FNIP1: variants seen among roughly 807,000 people sequenced by gnomAD.
FNIP1 encodes the protein folliculin interacting protein 1.
A neutral mutation model predicts 124.5 loss-of-function variants in FNIP1; 40 were observed. The ratio of observed to expected loss-of-function variants is 0.32; its 90% CI spans 0.25 to 0.42. The LOEUF (loss-of-function observed/expected upper bound fraction) is 0.42, where lower values mean the gene tolerates loss of function less well. Ranked by LOEUF, FNIP1 falls within the 10% of genes least tolerant of loss-of-function variation. The pLI is 1.00. For synonymous variants in FNIP1, 472 were observed against 470.6 expected, an observed-to-expected ratio of 1.00 and a Z score of -0.04; for missense variants, 1,176 against 1,403.7, an observed-to-expected ratio of 0.84 and a Z score of 2.59.
At position 131,672,649 on chromosome 5, in the gene FNIP1, C is replaced by T. The variant is rs1767798512; in HGVS notation, c.1795G>A (p.Glu599Lys). The change falls in exon 14 of 18, where the codon GAG becomes AAG. Residue 599 changes from glutamate (E) to lysine (K), a missense_variant. Around this residue, in one of 2 missense-constraint regions of FNIP1, gnomAD observed 1,109 missense variants for 1,288.5 expected, o/e 0.86. Coordinates refer to ENST00000510461, the MANE Select transcript of FNIP1 (RefSeq NM_133372.3). The stretch of plus-strand genomic sequence containing the variant: ...TTGGGAGTTCTAATTTCTTCTGACT[C>T]TTTAAAGAGCAAACTGCTTTTGTTT... ...HRNKSSLLFKESEEIRTPNCN... is the reference protein window; with the variant it reads ...HRNKSSLLFKKSEEIRTPNCN... 1 of 1,614,080 alleles carries T rather than the reference C, an allele frequency of 6.2e-7. No individual in the cohort carries two copies. The highest frequency in any genetic ancestry group is 8.5e-7 in the Non-Finnish European group (1 of 1,180,042).
At chr5:131,745,480 A>T (rs1221338521) in intron 1 of FNIP1, among the ~76,000 whole-genome samples, 1 of 152,154 alleles carries the variant, frequency 6.6e-6, no homozygotes, top group Non-Finnish European at 1.5e-5. Context: ...TGATCATGCC[A>T]CTGTACTCCA....
chr5:131,789,886 T>A (rs1334554139), intron 1 of FNIP1, among the ~76,000 whole-genome samples: 1 of 152,264 alleles, frequency 6.6e-6, no homozygotes, highest in Non-Finnish European at 1.5e-5. Context: ...TTTTCCTAGA[T>A]GATCTCTTCC....
intron 9 of FNIP1, among the ~76,000 whole-genome samples, chr5:131,705,178 A>C (rs1420955396): frequency 1.3e-5 from 2 of 152,128 alleles, no homozygotes; most frequent in African/African-American, 4.8e-5. Flanking sequence ...AAGCACAAGA[A>C]AAGATGATCA....
At position 131,672,511 on chromosome 5, in the gene FNIP1, C is replaced by G. The variant is rs759292725; in HGVS notation, c.1933G>C (p.Asp645His). 6.2e-7 allele frequency: 1 copy of G among 1,613,714 alleles called. No homozygotes were observed. The highest frequency in any genetic ancestry group is 8.5e-7 in the Non-Finnish European group (1 of 1,180,036). Reference protein sequence around the residue: ...NSSKELLGISDECQMISPSDC... With the variant: ...NSSKELLGISHECQMISPSDC... ...GAAGGAGAAATCATCTGGCACTCATCTGAAATTCCTAGCAGCTCCTTAGAG... is the reference window on the plus strand; with the variant it reads ...GAAGGAGAAATCATCTGGCACTCATGTGAAATTCCTAGCAGCTCCTTAGAG... Residue 645 changes from aspartate to histidine, a missense_variant, in exon 14 of 18, where the codon GAT (aspartate) becomes CAT (histidine). By Grantham distance (81) the Asp-to-His change is moderately conservative (BLOSUM62 -1). Transcript: ENST00000510461.
At chr5:131,691,965 G>A (rs571682825) in intron 11 of FNIP1, among the ~76,000 whole-genome samples, 1 of 152,104 alleles carries the variant, frequency 6.6e-6, no homozygotes, top group South Asian at 2.1e-4. Context: ...GTCAAGATGT[G>A]TCCTCTCACA....
intron 5 of FNIP1, among the ~76,000 whole-genome samples, chr5:131,717,754 T>C (rs1031987339): frequency 6.6e-6 from 1 of 152,352 alleles, no homozygotes; most frequent in South Asian, 2.1e-4. Context: ...GAAAAAACTC[T>C]GGTGATTATG....
Position 131,679,031 on chromosome 5 carries a change from A to AT in FNIP1, c.1346dup (p.Asn449LysfsTer52). 1 of 1,602,798 alleles carries AT rather than the reference A, an allele frequency of 6.2e-7. No individual in the cohort carries two copies. The highest frequency in any genetic ancestry group is 2.2e-5 in the East Asian group (1 of 44,590). Reference sequence around the variant, plus strand: ...AGTTATAATAAATAAATTCATACTGATTTTTGGAAGCATTTTCCATTAGAA... The same window carrying AT: ...AGTTATAATAAATAAATTCATACTGATTTTTTGGAAGCATTTTCCATTAGAA... On this transcript the variant is annotated frameshift_variant, in exon 12 of 18. Transcript: ENST00000510461. LOFTEE classifies it high-confidence loss of function.
intron 11 of FNIP1, among the ~76,000 whole-genome samples, chr5:131,693,342 A>ATGTG (rs1387691476): frequency 7.6e-6 from 1 of 130,968 alleles, no homozygotes; most frequent in East Asian, 2.1e-4. Context: ...ACATATATAT[A>ATGTG]TATATATATA....
At chr5:131,665,589 G>T (rs913238388) in intron 15 of FNIP1, among the ~76,000 whole-genome samples, 10 of 149,100 alleles carry the variant, frequency 6.7e-5, no homozygotes, top group South Asian at 2.1e-4. Flanking sequence ...TATATATATA[G>T]ATAGGTTTTT....
intron 1 of FNIP1, 98 bp downstream of exon 1, chr5:131,796,732 G>T: frequency 8.8e-7 from 1 of 1,141,914 alleles, no homozygotes; most frequent in Non-Finnish European, 1.2e-6. Flanking sequence ...TCGGCGCGGC[G>T]CTTCCGCTCG....
chr5:131,645,742 TA>T (rs1278720649), intron 17 of FNIP1, among the ~76,000 whole-genome samples: 3 of 152,186 alleles, frequency 2.0e-5, no homozygotes, highest in African/African-American at 7.2e-5. Context: ...TGGTTTATAG[TA>T]GCAAAAAACT....
At chr5:131,726,737 T>C (rs1310854025) in intron 3 of FNIP1, among the ~76,000 whole-genome samples, 1 of 152,216 alleles carries the variant, frequency 6.6e-6, no homozygotes, top group Non-Finnish European at 1.5e-5. Context: ...CTTCTCTGGT[T>C]CTTTTAATTA....
At chr5:131,655,934 A>G (rs2149506705) in intron 15 of FNIP1, among the ~76,000 whole-genome samples, 1 of 151,350 alleles carries the variant, frequency 6.6e-6, no homozygotes, top group Non-Finnish European at 1.5e-5. Flanking sequence ...CAACAAAACA[A>G]AACAAAACAA....
chr5:131,710,490 T>A (rs1769249141), intron 7 of FNIP1, 88 bp downstream of exon 7: 1 of 1,178,698 alleles, frequency 8.5e-7, no homozygotes, highest in African/African-American at 1.5e-5. Flanking sequence ...CCAACTGCAT[T>A]CATCTACTCT....
intron 1 of FNIP1, among the ~76,000 whole-genome samples, chr5:131,769,300 T>G (rs1490527203): frequency 2.6e-5 from 4 of 152,242 alleles, no homozygotes; most frequent in Admixed American, 2.6e-4. Flanking sequence ...TTATCATAAT[T>G]TAACTTTCAA....
intron 3 of FNIP1, among the ~76,000 whole-genome samples, chr5:131,728,487 G>A (rs907993870): frequency 3.3e-5 from 5 of 151,904 alleles, no homozygotes; most frequent in African/African-American, 9.7e-5. Context: ...GATGGCTTGC[G>A]TATGCTTCAT....
intron 6 of FNIP1, among the ~76,000 whole-genome samples, chr5:131,711,825 T>C (rs1769300033): frequency 1.3e-5 from 2 of 152,216 alleles, no homozygotes; most frequent in Non-Finnish European, 2.9e-5. Flanking sequence ...CTAACAGATA[T>C]TATTTTTCTG....
At position 131,657,471 on chromosome 5, in the gene FNIP1, G is replaced by C. The variant is rs1767230979; in HGVS notation, c.3109-5472C>G. ...AAACACATCTCTAACTCAGCCTCTAGATCAGGGTGCCATAAGGACCATTAA... is the reference window on the plus strand; with the variant it reads ...AAACACATCTCTAACTCAGCCTCTACATCAGGGTGCCATAAGGACCATTAA... On this transcript the variant is annotated intron_variant, in intron 15 of 17. Transcript: ENST00000510461. Among the ~76,000 whole-genome samples the C allele has an allele frequency of 2.0e-5, 3 of 152,026 alleles. No individual in the cohort carries two copies. In the South Asian group the frequency reaches 6.2e-4, roughly 32 times the overall value.
chr5:131,755,727 G>T (rs1369422226), intron 1 of FNIP1, among the ~76,000 whole-genome samples: 7 of 152,006 alleles, frequency 4.6e-5, no homozygotes, highest in Non-Finnish European at 1.0e-4. Flanking sequence ...AAGGAAGATG[G>T]GCCAGGCACG....
Sources: allele counts gnomAD v4.1 joint callset (sites outside exome capture counted in the v4.1 genomes callset), GRCh38; gene constraint gnomAD v4.1.1; regional missense constraint gnomAD v4.1.1; transcripts MANE v1.5; gene names NCBI Gene and HGNC (gene_info 2026-07-23, HGNC 2026-07-21).